NAB1: variants seen among roughly 807,000 people sequenced by gnomAD.
NAB1 encodes NGFI-A binding protein 1.
In NAB1, 25 loss-of-function variants were observed where a neutral mutation model predicts 49.9. The ratio of observed to expected loss-of-function variants is 0.50; its 90% CI spans 0.37 to 0.70. The LOEUF (loss-of-function observed/expected upper bound fraction) is 0.70. NAB1 is among the 30% of genes least tolerant of loss of function. The probability of loss-of-function intolerance (pLI) is 0.00; values close to 1 mark genes in which losing one functional copy is unlikely to be tolerated. For synonymous variants in NAB1, 198 were observed against 215.6 expected, an observed-to-expected ratio of 0.92 and a Z score of 0.71; for missense variants, 489 against 575.9, an observed-to-expected ratio of 0.85 and a Z score of 1.54.
intron 6 of NAB1, among the ~76,000 whole-genome samples, chr2:190,681,230 T>A (rs967371443): frequency 1.3e-5 from 2 of 152,212 alleles, no homozygotes; most frequent in African/African-American, 2.4e-5. Flanking sequence ...TTGTCTGTGA[T>A]GAAGATTAAA....
chr2:190,672,812 T>TA (rs58387127), intron 5 of NAB1, among the ~76,000 whole-genome samples: 27,822 of 149,260 alleles, frequency 0.19, 3,034 homozygotes, highest in East Asian at 0.37. Flanking sequence ...ACCCCATCTT[T>TA]AAAAAAAAAA....
At position 190,691,013 on chromosome 2, in the gene NAB1, A is replaced by T. The variant is rs1190107547; in HGVS notation, c.*680A>T. ...ACTTGAGTGGAGGAAAGTTAAAAAG[A>T]TGAGCAATAGAGTAGAAAATATATC... On this transcript the variant is annotated 3_prime_UTR_variant, in exon 10 of 10. Transcript: ENST00000337386. The surrounding 1 kb of genome is among the most constrained non-coding windows in gnomAD (Gnocchi z 4.1). 1.3e-5 allele frequency: 2 copies of T among 152,622 alleles called. No homozygotes were observed. Among genetic ancestry groups the T allele is most frequent in the Non-Finnish European group, 2.9e-5 (2 of 67,992 alleles). The allele number at this position is 152,622 out of a possible 1,614,324, so 9.5% of individuals were successfully genotyped here.
chr2:190,681,095 A>G (rs12618075), intron 6 of NAB1, among the ~76,000 whole-genome samples: 34,907 of 152,124 alleles, frequency 0.23, 4,135 homozygotes, highest in East Asian at 0.3. Flanking sequence ...AAACAGAGCT[A>G]TAATTTCTGT....
In NAB1 at chr2:190,663,331, C is replaced by G. The variant is rs181218645; in HGVS notation, c.819+3336C>G. On this transcript the variant is annotated intron_variant, in intron 4 of 9. Transcript: ENST00000337386. The surrounding 1 kb of genome is among the most constrained non-coding windows in gnomAD (Gnocchi z 4.2). The stretch of plus-strand genomic sequence containing the variant: ...ATTGTACACTTATCTCTCCTTAGCT[C>G]CTGACCAACCTTGCCAAAGGTTTGC... 6.6e-6 allele frequency among the ~76,000 whole-genome samples: 1 copy of G among 152,186 alleles called. No individual in the cohort carries two copies. The highest frequency in any genetic ancestry group is 1.5e-5 in the Non-Finnish European group (1 of 68,040).
In NAB1 at chr2:190,682,185, A is replaced by G. The variant is rs1390246573; in HGVS notation, c.1006-1553A>G. Among the ~76,000 whole-genome samples, 2 of 152,210 alleles carry G rather than the reference A, an allele frequency of 1.3e-5. No individual in the cohort carries two copies. The highest frequency in any genetic ancestry group is 2.9e-5 in the Non-Finnish European group (2 of 68,034). On this transcript the variant is annotated intron_variant, in intron 6 of 9. Coordinates refer to ENST00000337386, the MANE Select transcript of NAB1 (RefSeq NM_005966.4). The surrounding 1 kb of genome is among the most constrained non-coding windows in gnomAD (Gnocchi z 4.1). Reference sequence around the variant, plus strand: ...TATCCAGTGCCCCCAGATAGGCCCTATTTATTATGGGAATTTAGTATGTAT... The same window carrying G: ...TATCCAGTGCCCCCAGATAGGCCCTGTTTATTATGGGAATTTAGTATGTAT...
chr2:190,661,821 G>T (rs972363552), intron 4 of NAB1, among the ~76,000 whole-genome samples: 1 of 152,180 alleles, frequency 6.6e-6, no homozygotes, highest in Non-Finnish European at 1.5e-5. Context: ...TTGTACTCCA[G>T]TATGTGAATC....
At chr2:190,672,778 C>G (rs1694879314) in intron 5 of NAB1, among the ~76,000 whole-genome samples, 1 of 151,704 alleles carries the variant, frequency 6.6e-6, no homozygotes, top group South Asian at 2.1e-4. Context: ...GAGTTTGTGG[C>G]TAGTCTGGGT....
At chr2:190,664,756 A>C (rs760550557) in intron 4 of NAB1, among the ~76,000 whole-genome samples, 4 of 151,328 alleles carry the variant, frequency 2.6e-5, no homozygotes, top group Non-Finnish European at 5.9e-5. Flanking sequence ...TCTTTATATC[A>C]TCCTTTTATT....
Position 190,679,101 on chromosome 2 carries a change from A to C in NAB1, c.1006-4637A>C, listed in dbSNP as rs1219415348. 1.3e-5 allele frequency among the ~76,000 whole-genome samples: 2 copies of C among 152,252 alleles called. No individual in the cohort carries two copies. The highest frequency in any genetic ancestry group is 2.9e-5 in the Non-Finnish European group (2 of 68,044). On this transcript the variant is annotated intron_variant, in intron 6 of 9. Transcript: ENST00000337386. The surrounding 1 kb of genome is among the most constrained non-coding windows in gnomAD (Gnocchi z 5.3). ...CTGTGATTAATGGCATCAGCCAAAA[A>C]TATGACATGGAGATAGATTGCTCAT...
rs1695616430 is a variant in NAB1, at chr2:190,686,536, GAAA to G, written c.1259-664_1259-662del. Among the ~76,000 whole-genome samples, 1 of 152,194 alleles carries G rather than the reference GAAA, an allele frequency of 6.6e-6. No individual in the cohort carries two copies. The highest frequency in any genetic ancestry group is 2.4e-5 in the African/African-American group (1 of 41,456). Reference sequence around the variant, plus strand: ...AACACATCAGAGTACTGGAAGAGAAGAAAGTTCTTCCTTTTAAAAATATTACAG... The same window carrying G: ...AACACATCAGAGTACTGGAAGAGAAGGTTCTTCCTTTTAAAAATATTACAG... On this transcript the variant is annotated intron_variant, in intron 8 of 9. Coordinates refer to ENST00000337386, the MANE Select transcript of NAB1 (RefSeq NM_005966.4). This position sits in a 1 kb window ranked among gnomAD's most constrained non-coding sequence, Gnocchi z 5.5.
chr2:190,652,240 G>A lies in NAB1; in HGVS notation c.-197+2258G>A, dbSNP rs12612666. Among the ~76,000 whole-genome samples, 27,690 of 152,070 alleles carry A rather than the reference G, an allele frequency of 0.18. 2,947 individuals carry two copies. Among genetic ancestry groups the A allele is most frequent in the East Asian group, 0.38 (1,957 of 5,174 alleles). On this transcript the variant is annotated intron_variant, in intron 2 of 9. Transcript: ENST00000337386. This position sits in a 1 kb window ranked among gnomAD's most constrained non-coding sequence, Gnocchi z 4.2. ...TCTCAATACATTGTATTTAGGGGGT[G>A]ACCCATTAATTTGCATGGTATATTA...
In NAB1 at chr2:190,663,809, G is replaced by A. The variant is rs1694349471; in HGVS notation, c.819+3814G>A. 6.6e-6 allele frequency among the ~76,000 whole-genome samples: 1 copy of A among 151,846 alleles called. No individual in the cohort carries two copies. Among genetic ancestry groups the A allele is most frequent in the Admixed American group, 6.6e-5 (1 of 15,254 alleles). On this transcript the variant is annotated intron_variant, in intron 4 of 9. Transcript: ENST00000337386. This position sits in a 1 kb window ranked among gnomAD's most constrained non-coding sequence, Gnocchi z 4.2. ...GATTCAGTGTTATTCCCAAAGTTTT[G>A]TTATGAGGTTATTTTATTATTTTTC...
At chr2:190,655,350 T>A (rs1347365217) in intron 2 of NAB1, among the ~76,000 whole-genome samples, 1 of 152,180 alleles carries the variant, frequency 6.6e-6, no homozygotes, top group Non-Finnish European at 1.5e-5. Context: ...AATACAGATT[T>A]GGAGGTCATC....
chr2:190,687,394 T>G (rs1437676826), intron 9 of NAB1, 77 bp downstream of exon 9: 2 of 94,568 alleles, frequency 2.1e-5, no homozygotes, highest in Non-Finnish European at 1.7e-5. Context: ...TCCTCCCCCA[T>G]CAAAAAAAAA....
chr2:190,688,459 C>T (rs1239163625), intron 9 of NAB1, among the ~76,000 whole-genome samples: 1 of 152,030 alleles, frequency 6.6e-6, no homozygotes, highest in Non-Finnish European at 1.5e-5. Context: ...TTAATAATGT[C>T]AAAGGGAGGT....
chr2:190,671,639 A>G (rs1367385559), intron 5 of NAB1, among the ~76,000 whole-genome samples: 2 of 152,128 alleles, frequency 1.3e-5, no homozygotes, highest in Non-Finnish European at 2.9e-5. Flanking sequence ...GAAGTTGTAT[A>G]ACATGTAAGG....
At position 190,670,358 on chromosome 2, in the gene NAB1, T is replaced by C. The variant is rs765244409; in HGVS notation, c.852T>C (p.Cys284=). Residue 284 remains cysteine (C), a synonymous_variant, in exon 5 of 10, where the codon TGT becomes TGC. Transcript: ENST00000337386. This position sits in a 1 kb window ranked among gnomAD's most constrained non-coding sequence, Gnocchi z 5.3. Reference sequence around the variant, plus strand: ...TTAATGAAGCGGCTGCTCAACTCTGTGTGAAGGATAATGCCCTGCTGACAA... The same window carrying C: ...TTAATGAAGCGGCTGCTCAACTCTGCGTGAAGGATAATGCCCTGCTGACAA... ...LTVNEAAAQL[C]VKDNALLTRR... is the part of the protein sequence containing the mutation. The C allele has an allele frequency of 3.7e-6, 6 of 1,613,948 alleles. No homozygotes were observed. The Admixed American group carries it at 1.0e-4, about 27-fold the overall frequency.
intron 4 of NAB1, among the ~76,000 whole-genome samples, chr2:190,664,822 G>T: frequency 6.6e-6 from 1 of 151,176 alleles, no homozygotes; most frequent in African/African-American, 2.4e-5. Flanking sequence ...CTGATCAGTT[G>T]GATTTTAAAG....
chr2:190,687,180 T>G (rs1203870931), intron 8 of NAB1, 21 bp from the exon 9 acceptor site: 1 of 1,475,352 alleles, frequency 6.8e-7, no homozygotes, highest in Admixed American at 2.4e-5. Context: ...ATTATGCATA[T>G]TTCTTTTTTC....
Sources: gnomAD v4.1 joint callset for allele counts (sites outside exome capture counted in the v4.1 genomes callset) on GRCh38, gnomAD v4.1.1 for gene constraint, Gnocchi (gnomAD v3.1) non-coding constraint, MANE v1.5 for transcripts, NCBI Gene and HGNC (gene_info 2026-07-23, HGNC 2026-07-21) for gene names.